The following GALNT13 variants were observed in gnomAD, a reference collection of about 807,000 sequenced individuals.
The protein encoded by GALNT13 is UDP-GalNAc:polypeptide N-acetylgalactosaminyltransferase 13.
Under a neutral mutation model 64.2 loss-of-function variants are expected in GALNT13, and 28 were observed. That is an observed-to-expected ratio of 0.44 (90% CI 0.32 to 0.60). The LOEUF (loss-of-function observed/expected upper bound fraction) is 0.60, where lower values mean the gene tolerates loss of function less well. GALNT13 is among the 20% of genes least tolerant of loss of function. GALNT13 has a pLI of 0.05. For synonymous variants in GALNT13, 214 were observed against 224.6 expected (o/e 0.95, Z 0.42); for missense variants, 577 against 669.8 (o/e 0.86, Z 1.53).
At chr2:154,382,961 A>C (rs1698343853) in intron 9 of GALNT13, among the ~76,000 whole-genome samples, 1 of 151,874 alleles carries the variant, frequency 6.6e-6, no homozygotes, top group Non-Finnish European at 1.5e-5. Context: ...GGGGAGCATC[A>C]GTTTCATGTT....
At chr2:153,802,699 T>G in the GALNT13 span, among the ~76,000 whole-genome samples, 2 of 152,224 alleles carry the variant, frequency 1.3e-5, no homozygotes, top group African/African-American at 4.8e-5. Flanking sequence ...AGAGGAGAAA[T>G]AGCTTCAACA....
chr2:153,546,832 T>C, the GALNT13 span, among the ~76,000 whole-genome samples: 1 of 152,362 alleles, frequency 6.6e-6, no homozygotes, highest in African/African-American at 2.4e-5. Context: ...CTAAGTCTTT[T>C]TGAATAATTG....
At chr2:154,079,718 C>A (rs1454004562) in intron 3 of GALNT13, among the ~76,000 whole-genome samples, 4 of 151,466 alleles carry the variant, frequency 2.6e-5, no homozygotes, top group Non-Finnish European at 4.4e-5. Context: ...TGCATACTTA[C>A]CTCAGGCTTT....
At chr2:153,852,518 T>C in the GALNT13 span, among the ~76,000 whole-genome samples, 1 of 152,184 alleles carries the variant, frequency 6.6e-6, no homozygotes, top group African/African-American at 2.4e-5. Flanking sequence ...AAAGCAAAAA[T>C]GTATAGAACT....
At chr2:153,896,817 C>T (rs1395050394) in intron 1 of GALNT13, among the ~76,000 whole-genome samples, 1 of 152,086 alleles carries the variant, frequency 6.6e-6, no homozygotes, top group Non-Finnish European at 1.5e-5. Flanking sequence ...GAATATTATT[C>T]TGTAATTCCT....
Position 153,873,505 on chromosome 2 carries a change from G to A in GALNT13, c.-177+1202G>A, listed in dbSNP as rs73966827. ...AACGGACAGTGAGCAGGCAAACATA[G>A]ATGCTTTGGGGTTCAGGGAAACTAA... On this transcript the variant is annotated intron_variant, in intron 1 of 12. Coordinates refer to ENST00000392825, the MANE Select transcript of GALNT13 (RefSeq NM_052917.4). 4.9e-3 allele frequency among the ~76,000 whole-genome samples: 747 copies of A among 152,332 alleles called. 11 individuals are homozygous for A. Among genetic ancestry groups the A allele is most frequent in the African/African-American group, 0.017 (716 of 41,580 alleles).
the GALNT13 span, among the ~76,000 whole-genome samples, chr2:153,279,584 T>C: frequency 1.2e-4 from 6 of 50,556 alleles, no homozygotes; most frequent in Non-Finnish European, 2.9e-4. Context: ...TGTTGGATTT[T>C]ATTGAAAGAT....
chr2:153,651,349 C>T, the GALNT13 span, among the ~76,000 whole-genome samples: 1 of 152,022 alleles, frequency 6.6e-6, no homozygotes, highest in African/African-American at 2.4e-5. Context: ...TGGAAGAAGG[C>T]AGAAGCCAGG....
the GALNT13 span, among the ~76,000 whole-genome samples, chr2:153,196,192 G>A: frequency 2.0e-5 from 3 of 152,122 alleles, no homozygotes; most frequent in Admixed American, 1.3e-4. Context: ...GGCCTTACTG[G>A]GGACCCACCT....
intron 9 of GALNT13, among the ~76,000 whole-genome samples, chr2:154,309,806 C>T (rs769833409): frequency 2.6e-5 from 4 of 152,164 alleles, no homozygotes; most frequent in African/African-American, 4.8e-5. Flanking sequence ...CCTCTTAGAG[C>T]GCTGCTGGAG....
the GALNT13 span, among the ~76,000 whole-genome samples, chr2:153,678,983 C>T: frequency 2.0e-5 from 3 of 151,994 alleles, no homozygotes; most frequent in South Asian, 2.1e-4. Context: ...CATTGGATCT[C>T]TCCTTCCTCA....
At chr2:153,723,843 T>C in the GALNT13 span, among the ~76,000 whole-genome samples, 1 of 150,814 alleles carries the variant, frequency 6.6e-6, no homozygotes, top group East Asian at 2.0e-4. Context: ...CGCTCATGGG[T>C]AGGAAGAATC....
the GALNT13 span, among the ~76,000 whole-genome samples, chr2:153,121,406 C>T: frequency 6.6e-6 from 1 of 152,180 alleles, no homozygotes; most frequent in African/African-American, 2.4e-5. Context: ...TTCAAATTTA[C>T]AGTAATACTT....
At chr2:153,271,227 T>C in the GALNT13 span, among the ~76,000 whole-genome samples, 2 of 152,156 alleles carry the variant, frequency 1.3e-5, no homozygotes, top group Admixed American at 1.3e-4. Flanking sequence ...AGATGCCCTC[T>C]CTCAACACTC....
chr2:153,316,639 C>CAAAAAAAA, the GALNT13 span, among the ~76,000 whole-genome samples: 36 of 69,850 alleles, frequency 5.2e-4, 3 homozygotes, highest in African/African-American at 1.4e-3. Flanking sequence ...GACTCCGTCT[C>CAAAAAAAA]AAAAAAAAAA....
intron 3 of GALNT13, among the ~76,000 whole-genome samples, chr2:154,009,310 A>G (rs981539643): frequency 6.6e-6 from 1 of 151,440 alleles, no homozygotes; most frequent in Non-Finnish European, 1.5e-5. Flanking sequence ...GCCTTGTAGT[A>G]TAGTTTGAAG....
At chr2:154,298,003 A>G (rs2105975372) in intron 8 of GALNT13, among the ~76,000 whole-genome samples, 1 of 152,240 alleles carries the variant, frequency 6.6e-6, no homozygotes, top group African/African-American at 2.4e-5. Flanking sequence ...AGATGTATGG[A>G]TACACAAGTC....
At chr2:153,118,018 G>C in the GALNT13 span, among the ~76,000 whole-genome samples, 1 of 151,194 alleles carries the variant, frequency 6.6e-6, no homozygotes, top group Admixed American at 6.6e-5. Flanking sequence ...GGTCATAGCA[G>C]GTTTTTGGTT....
At chr2:153,405,708 A>T in the GALNT13 span, among the ~76,000 whole-genome samples, 1 of 152,216 alleles carries the variant, frequency 6.6e-6, no homozygotes, top group Non-Finnish European at 1.5e-5. Flanking sequence ...CTAGTCAAAC[A>T]GGATGAGAGA....
Sources: allele counts gnomAD v4.1 joint callset (sites outside exome capture counted in the v4.1 genomes callset), GRCh38; gene constraint gnomAD v4.1.1; transcripts MANE v1.5; gene names NCBI Gene and HGNC (gene_info 2026-07-23, HGNC 2026-07-21).